Variants in ZNF385D observed in about 807,000 individuals in gnomAD.
ZNF385D encodes the protein zinc finger protein 659.
ZNF385D carries 15 observed loss-of-function variants against 35.8 expected under a neutral mutation model. That is an observed-to-expected ratio of 0.42 (90% CI 0.28 to 0.64). ZNF385D has a LOEUF of 0.64. ZNF385D is among the 30% of genes least tolerant of loss of function. The pLI is 0.23. For synonymous variants in ZNF385D, 212 were observed against 186.8 expected (o/e 1.13, Z -1.10); for missense variants, 474 against 494.6 (o/e 0.96, Z 0.39).
At chr3:21,623,176 T>C (rs547662830) in intron 2 of ZNF385D, among the ~76,000 whole-genome samples, 4 of 152,068 alleles carry the variant, frequency 2.6e-5, no homozygotes, top group Non-Finnish European at 5.9e-5. Context: ...CCCCACTGGG[T>C]TGTTGTACAA....
At chr3:21,902,446 T>G (rs1052936498) in intron 3 of ZNF385D, among the ~76,000 whole-genome samples, 2 of 152,162 alleles carry the variant, frequency 1.3e-5, no homozygotes, top group African/African-American at 4.8e-5. Flanking sequence ...CACCGGTATC[T>G]TGGTAGGAAA....
chr3:22,147,369 T>C (rs1704927617), intron 3 of ZNF385D, among the ~76,000 whole-genome samples: 1 of 152,150 alleles, frequency 6.6e-6, no homozygotes, highest in South Asian at 2.1e-4. Context: ...GTACATATGC[T>C]TTCGGGCCAT....
chr3:21,808,626 T>A (rs6802746), intron 3 of ZNF385D, among the ~76,000 whole-genome samples: 35,463 of 152,176 alleles, frequency 0.23, 4,350 homozygotes, highest in East Asian at 0.41. Flanking sequence ...TTGTCAATTA[T>A]TCCTCTCCTG....
chr3:21,580,542 T>C (rs1001165443), intron 2 of ZNF385D, among the ~76,000 whole-genome samples: 1 of 152,114 alleles, frequency 6.6e-6, no homozygotes, highest in East Asian at 1.9e-4. Context: ...GCTGTACATT[T>C]TTTTCTTGCT....
rs74763396 is a variant in ZNF385D at position 22,072,460 on chromosome 3, A to C, written c.325+96357T>G. 5.8e-3 allele frequency among the ~76,000 whole-genome samples: 884 copies of C among 152,232 alleles called. 4 individuals carry two copies. Among genetic ancestry groups the C allele is most frequent in the African/African-American group, 0.02 (838 of 41,546 alleles). On this transcript the variant is annotated intron_variant, in intron 3 of 5. Transcript: ENST00000494108. ...AAACAATCTCATCAAGAATCACTAG[A>C]ACTAGAACTCGTCAGCTGCTTGCTG...
intron 3 of ZNF385D, among the ~76,000 whole-genome samples, chr3:21,806,113 G>A (rs749484466): frequency 2.0e-5 from 3 of 151,932 alleles, no homozygotes; most frequent in Non-Finnish European, 2.9e-5. Context: ...GTACTCAAGT[G>A]GTGCTTGCCT....
intron 2 of ZNF385D, among the ~76,000 whole-genome samples, chr3:21,661,944 A>AT: frequency 6.6e-6 from 1 of 152,148 alleles, no homozygotes. Flanking sequence ...TTTTTTATAC[A>AT]TTTTATAAGT....
chr3:22,009,816 A>G (rs912606224), intron 3 of ZNF385D, among the ~76,000 whole-genome samples: 1 of 151,956 alleles, frequency 6.6e-6, no homozygotes, highest in African/African-American at 2.4e-5. Context: ...AAGGGTCATC[A>G]GCAGCATTTG....
chr3:22,040,872 C>G (rs1404033923), intron 3 of ZNF385D, among the ~76,000 whole-genome samples: 6 of 151,886 alleles, frequency 4.0e-5, no homozygotes, highest in African/African-American at 1.2e-4. Context: ...GGTCAAGTGT[C>G]TTGCTTGCTA....
intron 1 of ZNF385D, among the ~76,000 whole-genome samples, chr3:21,681,478 C>A (rs2066906091): frequency 1.3e-5 from 2 of 151,168 alleles, no homozygotes; most frequent in South Asian, 4.2e-4. Flanking sequence ...CTTTAATCTG[C>A]CAAAGGAAAT....
chr3:21,636,359 TATG>T (rs1190688153), intron 2 of ZNF385D, among the ~76,000 whole-genome samples: 3 of 132,590 alleles, frequency 2.3e-5, no homozygotes, highest in African/African-American at 8.2e-5. Flanking sequence ...TATGATTATA[TATG>T]ATTATATATA....
chr3:21,570,914 TACTC>T (rs1201656561), intron 2 of ZNF385D, among the ~76,000 whole-genome samples: 4 of 152,192 alleles, frequency 2.6e-5, no homozygotes, highest in African/African-American at 9.6e-5. Flanking sequence ...GTTTTTATAT[TACTC>T]ACATTCATAC....
chr3:21,439,776 G>C (rs898194370), intron 4 of ZNF385D, among the ~76,000 whole-genome samples: 10 of 152,028 alleles, frequency 6.6e-5, no homozygotes, highest in African/African-American at 2.4e-4. Flanking sequence ...GAAGATTAGA[G>C]ACATCAGATT....
rs451242 is a variant in ZNF385D at position 21,421,262 on chromosome 3, A to T, written c.1140T>A (p.Pro380=). The change falls in exon 8 of 8, where the codon CCT becomes CCA. Residue 380 remains proline (P), a synonymous_variant. Coordinates refer to ENST00000281523, the MANE Select transcript of ZNF385D (RefSeq NM_024697.3). ...GAGTGTGGGCGGTCCGAATGGGTCC[A>T]GGAGCTGGCCGCAGGAGTGCCGGAG... ...ALPPALLRPA[P]GPIRTAHTPV... 6.2e-7 allele frequency: 1 copy of T among 1,613,800 alleles called. No homozygotes were observed. The highest frequency in any genetic ancestry group is 1.7e-5 in the Admixed American group (1 of 59,962).
chr3:22,127,568 G>T (rs1703512802), intron 3 of ZNF385D, among the ~76,000 whole-genome samples: 1 of 151,894 alleles, frequency 6.6e-6, no homozygotes, highest in East Asian at 1.9e-4. Flanking sequence ...TTGAACTTAT[G>T]ACCTCAAGTG....
chr3:21,890,117 A>G (rs1039934440), intron 3 of ZNF385D, among the ~76,000 whole-genome samples: 1 of 152,268 alleles, frequency 6.6e-6, no homozygotes, highest in East Asian at 1.9e-4. Flanking sequence ...AAACATATAT[A>G]TATCTTTTTG....
rs79916490 is a variant in ZNF385D, at chr3:21,631,496, C to T, written c.165+33390G>A. 1.1e-3 allele frequency among the ~76,000 whole-genome samples: 168 copies of T among 152,196 alleles called. 2 individuals are homozygous for T. In the East Asian group the frequency reaches 0.029, roughly 27 times the overall value. On this transcript the variant is annotated intron_variant, in intron 2 of 7. Coordinates refer to ENST00000281523, the MANE Select transcript of ZNF385D (RefSeq NM_024697.3). ...TAAAAATCCCTCTTTGGAGAAAATACCATCTTCAATATCAAGAAGATCACC... is the reference window on the plus strand; with the variant it reads ...TAAAAATCCCTCTTTGGAGAAAATATCATCTTCAATATCAAGAAGATCACC...
At chr3:21,673,860 C>A (rs1005535209) in intron 1 of ZNF385D, among the ~76,000 whole-genome samples, 1 of 152,012 alleles carries the variant, frequency 6.6e-6, no homozygotes, top group Non-Finnish European at 1.5e-5. Flanking sequence ...TTTCTGCCAA[C>A]AAATTGTGTC....
chr3:21,933,420 A>G (rs1282865861), intron 3 of ZNF385D, among the ~76,000 whole-genome samples: 1 of 152,188 alleles, frequency 6.6e-6, no homozygotes, highest in African/African-American at 2.4e-5. Context: ...AAATATTAAT[A>G]CATGAGACTA....
Sources: allele counts gnomAD v4.1 joint callset (sites outside exome capture counted in the v4.1 genomes callset), GRCh38; gene constraint gnomAD v4.1.1; transcripts MANE v1.5; gene names NCBI Gene and HGNC (gene_info 2026-07-23, HGNC 2026-07-21).